The following BMP7 variants were observed in gnomAD, a reference collection of about 807,000 sequenced individuals.
BMP7 encodes the protein osteogenic protein 1.
In BMP7, 12 loss-of-function variants were observed where a neutral mutation model predicts 41.2. The observed-to-expected ratio is 0.29, with a 90% CI of 0.19 to 0.47. The LOEUF (loss-of-function observed/expected upper bound fraction) is 0.47. BMP7 is among the 20% of genes least tolerant of loss of function. The probability of loss-of-function intolerance (pLI) is 0.99; values close to 1 mark genes in which losing one functional copy is unlikely to be tolerated. For synonymous variants in BMP7, 248 were observed against 250.0 expected, an observed-to-expected ratio of 0.99 and a Z score of 0.07; for missense variants, 467 against 606.0, an observed-to-expected ratio of 0.77 and a Z score of 2.41.
At chr20:57,203,981 A>C (rs574121847) in intron 2 of BMP7, among the ~76,000 whole-genome samples, 12 of 152,352 alleles carry the variant, frequency 7.9e-5, no homozygotes, top group Non-Finnish European at 1.8e-4. Context: ...TGTAGGGTAG[A>C]TAATATTCCC....
intron 4 of BMP7, among the ~76,000 whole-genome samples, chr20:57,179,820 G>A (rs998488051): frequency 3.3e-5 from 5 of 152,154 alleles, no homozygotes; most frequent in East Asian, 3.8e-4. Flanking sequence ...TGCAAACAGG[G>A]CCACGAGCCA....
At chr20:57,232,318 A>G (rs1368059136) in intron 1 of BMP7, among the ~76,000 whole-genome samples, 8 of 152,256 alleles carry the variant, frequency 5.3e-5, no homozygotes, top group Admixed American at 5.2e-4. Context: ...TGCCATTGTT[A>G]CAGGGCCTCT....
In BMP7 at chr20:57,195,660, G is replaced by C. The variant is rs576937728; in HGVS notation, c.760+6815C>G. ...CTTAGTTTCCACAGCCGCCGCAGGC[G>C]AGTGGCTCACCTCCTGGCTCCTTCC... On this transcript the variant is annotated intron_variant, in intron 3 of 6. Transcript: ENST00000395863. Among the ~76,000 whole-genome samples the C allele has an allele frequency of 7.2e-5, 11 of 152,386 alleles. 1 individual carries two copies. Among genetic ancestry groups the C allele is most frequent in the Middle Eastern group, 3.4e-3 (1 of 294 alleles).
chr20:57,195,404 G>T (rs531513877), intron 3 of BMP7, among the ~76,000 whole-genome samples: 1 of 152,306 alleles, frequency 6.6e-6, no homozygotes, highest in Admixed American at 6.5e-5. Context: ...TGAGAACTTA[G>T]TTAACACTTG....
intron 2 of BMP7, among the ~76,000 whole-genome samples, chr20:57,211,196 G>A (rs185388292): frequency 6.6e-6 from 1 of 152,332 alleles, no homozygotes; most frequent in Non-Finnish European, 1.5e-5. Context: ...CCTCCAATGA[G>A]GTCAGTACAA....
rs574594998 is a variant in BMP7 at position 57,200,668 on chromosome 20, C to T, written c.760+1807G>A. ...AAAAATTAGCCGGTGTGGTGGCGGG[C>T]GCCTGTAGTCCCAGCTACTCAAGCG... On this transcript the variant is annotated intron_variant, in intron 3 of 6. Transcript: ENST00000395863. Among the ~76,000 whole-genome samples the T allele has an allele frequency of 2.0e-4, 31 of 152,246 alleles. No homozygotes were observed. The South Asian group carries it at 3.7e-3, about 18-fold the overall frequency.
At position 57,214,031 on chromosome 20, in the gene BMP7, T is replaced by C. The variant is rs533643982; in HGVS notation, c.612-11408A>G. ...CTTGGCTCTAAAGTAAGATCACAGC[T>C]GCAGTGAGCTGACCCCAACTCAAGA... On this transcript the variant is annotated intron_variant, in intron 2 of 6. Transcript: ENST00000395863. The surrounding 1 kb of genome is among the most constrained non-coding windows in gnomAD (Gnocchi z 4.0). Among the ~76,000 whole-genome samples the C allele has an allele frequency of 4.8e-4, 73 of 152,322 alleles. No homozygotes were observed. Among genetic ancestry groups the C allele is most frequent in the Middle Eastern group, 3.4e-3 (1 of 294 alleles).
At position 57,230,396 on chromosome 20, in the gene BMP7, C is replaced by T. The variant is rs184473217; in HGVS notation, c.419-1975G>A. On this transcript the variant is annotated intron_variant, in intron 1 of 6. Coordinates refer to ENST00000395863, the MANE Select transcript of BMP7 (RefSeq NM_001719.3). Reference sequence around the variant, plus strand: ...GGGGCAAAGGGCCTGACTGTGTCACCGTGGGACTGCCCCCGGCCAGTCCTC... The same window carrying T: ...GGGGCAAAGGGCCTGACTGTGTCACTGTGGGACTGCCCCCGGCCAGTCCTC... Among the ~76,000 whole-genome samples the T allele has an allele frequency of 8.9e-4, 135 of 152,184 alleles. 1 individual carries two copies. Among genetic ancestry groups the T allele is most frequent in the Non-Finnish European group, 1.5e-3 (99 of 68,010 alleles).
rs576801691 is a variant in BMP7 at position 57,196,165 on chromosome 20, T to C, written c.760+6310A>G. 1.1e-4 allele frequency among the ~76,000 whole-genome samples: 17 copies of C among 152,268 alleles called. No homozygotes were observed. In the South Asian group the frequency reaches 1.9e-3, roughly 17 times the overall value. On this transcript the variant is annotated intron_variant, in intron 3 of 6. Transcript: ENST00000395863. Reference sequence around the variant, plus strand: ...GCTGCAGTCCCTTTCTTGGGACAAATGACCTGGTGCTTCCATGTCTGCAAG... The same window carrying C: ...GCTGCAGTCCCTTTCTTGGGACAAACGACCTGGTGCTTCCATGTCTGCAAG...
intron 1 of BMP7, among the ~76,000 whole-genome samples, chr20:57,235,808 T>C (rs1360808890): frequency 1.3e-5 from 2 of 152,242 alleles, no homozygotes; most frequent in African/African-American, 4.8e-5. Context: ...TGATCATTGA[T>C]GTCATCAACC....
chr20:57,228,310 T>C lies in BMP7; in HGVS notation c.530A>G (p.Tyr177Cys), dbSNP rs1369327109. ...GAAGCGTTCCCGGATGTAGTCCTTG[T>C]AGATCCGGAATTCGGCTGCCGTGAC... ...EAVTAAEFRI[Y>C]KDYIRERFDN... is the part of the protein sequence containing the mutation. The change falls in exon 2 of 7, where the codon TAC (tyrosine) becomes TGC (cysteine). Residue 177 changes from tyrosine to cysteine, a missense_variant. Transcript: ENST00000395863. The surrounding 1 kb of genome is among the most constrained non-coding windows in gnomAD (Gnocchi z 4.5). 1 of 1,614,090 alleles carries C rather than the reference T, an allele frequency of 6.2e-7. No homozygotes were observed.
rs1243976619 is a variant in BMP7 at position 57,245,984 on chromosome 20, A to G, written c.419-17563T>C. 2.0e-5 allele frequency among the ~76,000 whole-genome samples: 3 copies of G among 152,176 alleles called. No homozygotes were observed. In the East Asian group the frequency reaches 5.8e-4, roughly 29 times the overall value. On this transcript the variant is annotated intron_variant, in intron 1 of 6. Transcript: ENST00000395863. ...TTATTGTACAATTAAATTTATATAA[A>G]GTTTAGAAACAGGCAAGGTTAATTT...
chr20:57,256,628 G>T (rs1051616405), intron 1 of BMP7, among the ~76,000 whole-genome samples: 1 of 152,232 alleles, frequency 6.6e-6, no homozygotes. Flanking sequence ...AGCACTTTGG[G>T]AGGCCAAGGC....
chr20:57,255,493 C>T (rs929613329), intron 1 of BMP7, among the ~76,000 whole-genome samples: 4 of 152,032 alleles, frequency 2.6e-5, no homozygotes, highest in Non-Finnish European at 1.5e-5. Flanking sequence ...CAAGATCCTG[C>T]CTGGACTAAG....
At chr20:57,184,493 G>A (rs1190929402) in intron 3 of BMP7, among the ~76,000 whole-genome samples, 1 of 152,098 alleles carries the variant, frequency 6.6e-6, no homozygotes, top group East Asian at 1.9e-4. Context: ...AGGGGCAGGG[G>A]CAAGTAGCAG....
At chr20:57,229,952 A>G (rs1286782038) in intron 1 of BMP7, among the ~76,000 whole-genome samples, 1 of 152,144 alleles carries the variant, frequency 6.6e-6, no homozygotes, top group East Asian at 1.9e-4. Context: ...GCATGGGGGA[A>G]TTACCCGCTC....
chr20:57,208,750 TA>T (rs1353401272), intron 2 of BMP7, among the ~76,000 whole-genome samples: 6 of 152,146 alleles, frequency 3.9e-5, no homozygotes, highest in Admixed American at 6.5e-5. Flanking sequence ...TATTTGGCAT[TA>T]AAAAATGAAG....
Position 57,228,544 on chromosome 20 carries a change from C to T in BMP7, c.419-123G>A. ...GGAGGCATGCCCATTGCCAGTGACC[C>T]CAGTGACAACTGCTCCTTCCTCACC... On this transcript the variant is annotated intron_variant, in intron 1 of 6. Coordinates refer to ENST00000395863, the MANE Select transcript of BMP7 (RefSeq NM_001719.3). The surrounding 1 kb of genome is among the most constrained non-coding windows in gnomAD (Gnocchi z 4.5). 1 of 1,142,360 alleles carries T rather than the reference C, an allele frequency of 8.8e-7. No homozygotes were observed. Among genetic ancestry groups the T allele is most frequent in the Non-Finnish European group, 1.3e-6 (1 of 763,188 alleles). 70.8% of individuals were successfully genotyped at this position (1,142,360 alleles called of 1,614,324 possible).
intron 3 of BMP7, among the ~76,000 whole-genome samples, chr20:57,195,623 G>C (rs939460311): frequency 4.6e-5 from 7 of 152,388 alleles, no homozygotes; most frequent in African/African-American, 1.4e-4. Context: ...CACCAGCCTT[G>C]GCTTTGTGGG....
Sources: allele counts gnomAD v4.1 joint callset (sites outside exome capture counted in the v4.1 genomes callset), GRCh38; gene constraint gnomAD v4.1.1; non-coding constraint Gnocchi (gnomAD v3.1); transcripts MANE v1.5; gene names NCBI Gene and HGNC (gene_info 2026-07-23, HGNC 2026-07-21).